The following VGLL4 variants were observed in gnomAD, a reference collection of about 807,000 sequenced individuals.
VGLL4 encodes the protein vestigial like family member 4.
In VGLL4, 7 loss-of-function variants were observed where a neutral mutation model predicts 21.0. The observed-to-expected ratio is 0.33, with a 90% CI of 0.19 to 0.63. The LOEUF is 0.63. Among genes scored for constraint, VGLL4 ranks in the 20% least tolerant of loss-of-function variants. The probability of loss-of-function intolerance (pLI) is 0.78; values close to 1 mark genes in which losing one functional copy is unlikely to be tolerated. For synonymous variants in VGLL4, 222 were observed against 173.2 expected (o/e 1.28, Z -2.21); for missense variants, 394 against 425.7 (o/e 0.93, Z 0.66).
chr3:11,603,522 GTTAT>G (rs937816744), intron 1 of VGLL4, among the ~76,000 whole-genome samples: 1 of 152,082 alleles, frequency 6.6e-6, no homozygotes, highest in African/African-American at 2.4e-5. Context: ...AATTATCTCC[GTTAT>G]TTGTGATACT....
At chr3:11,654,097 C>T (rs567178174) in intron 2 of VGLL4, among the ~76,000 whole-genome samples, 3 of 152,238 alleles carry the variant, frequency 2.0e-5, no homozygotes, top group Admixed American at 6.5e-5. Context: ...ACCACCACCA[C>T]CACAACAAAG....
intron 1 of VGLL4, among the ~76,000 whole-genome samples, chr3:11,609,747 A>G (rs2075020309): frequency 6.6e-6 from 1 of 152,196 alleles, no homozygotes; most frequent in South Asian, 2.1e-4. Context: ...TGTGGGCTGC[A>G]TGGGAGGCGA....
intron 2 of VGLL4, among the ~76,000 whole-genome samples, chr3:11,581,738 T>TC (rs1293308565): frequency 2.1e-4 from 32 of 152,346 alleles, no homozygotes; most frequent in African/African-American, 7.2e-4. Context: ...CCCTCCAGAC[T>TC]CCAACTGCAG....
At chr3:11,712,331 A>G (rs1449624639) in intron 1 of VGLL4, among the ~76,000 whole-genome samples, 2 of 152,192 alleles carry the variant, frequency 1.3e-5, no homozygotes, top group African/African-American at 4.8e-5. Flanking sequence ...AGTAAAAAAC[A>G]TTGCCTAACT....
At chr3:11,589,858 C>G (rs187629839) in intron 2 of VGLL4, among the ~76,000 whole-genome samples, 1 of 152,336 alleles carries the variant, frequency 6.6e-6, no homozygotes, top group East Asian at 1.9e-4. Context: ...AGAGCCTGCC[C>G]TCATGACCTC....
chr3:11,689,571 G>T (rs1471136958), intron 2 of VGLL4, among the ~76,000 whole-genome samples: 2 of 152,088 alleles, frequency 1.3e-5, no homozygotes, highest in Non-Finnish European at 2.9e-5. Context: ...ACATGTTTTT[G>T]GCTTCTGCTA....
At chr3:11,579,021 T>G (rs1291661389) in intron 2 of VGLL4, among the ~76,000 whole-genome samples, 1 of 152,154 alleles carries the variant, frequency 6.6e-6, no homozygotes, top group East Asian at 1.9e-4. Context: ...GTGCTGGGAT[T>G]ACAGGCGTGA....
chr3:11,607,673 T>A (rs1403006469), intron 1 of VGLL4, among the ~76,000 whole-genome samples: 1 of 152,232 alleles, frequency 6.6e-6, no homozygotes, highest in Non-Finnish European at 1.5e-5. Context: ...TATCATTAGA[T>A]TCTTTTTTCT....
At position 11,560,144 on chromosome 3, in the gene VGLL4, C is replaced by T. The variant is rs370143761; in HGVS notation, c.496-689G>A. Among the ~76,000 whole-genome samples the T allele has an allele frequency of 1.4e-4, 22 of 152,220 alleles. No individual in the cohort carries two copies. In the South Asian group the frequency reaches 4.4e-3, roughly 30 times the overall value. On this transcript the variant is annotated intron_variant, in intron 3 of 4. Coordinates refer to ENST00000430365, the MANE Select transcript of VGLL4 (RefSeq NM_001128219.3). ...TCTCTCTGAAGCCTTTCACTGGCCA[C>T]CGCCCCACCACCACCGCTTTTCACT...
chr3:11,689,476 T>C (rs1042119488), intron 2 of VGLL4, among the ~76,000 whole-genome samples: 1 of 152,232 alleles, frequency 6.6e-6, no homozygotes, highest in African/African-American at 2.4e-5. Flanking sequence ...GTCCATGAAC[T>C]TTCTTGTTCT....
chr3:11,604,515 G>T, intron 1 of VGLL4: 1 of 949,768 alleles, frequency 1.1e-6, no homozygotes, highest in Non-Finnish European at 1.2e-6. Flanking sequence ...TCCCTAGATG[G>T]CCTTAACCCA....
chr3:11,702,443 C>T (rs2076694005), intron 2 of VGLL4, among the ~76,000 whole-genome samples: 3 of 124,824 alleles, frequency 2.4e-5, no homozygotes, highest in Non-Finnish European at 3.3e-5. Flanking sequence ...AACCCCGCCT[C>T]TACTAAAAAT....
chr3:11,604,280 T>C lies in VGLL4; in HGVS notation c.83-2258A>G, dbSNP rs1355184316. The C allele has an allele frequency of 1.3e-4, 91 of 676,500 alleles. 8 individuals carry two copies. The highest frequency in any genetic ancestry group is 1.4e-4 in the Non-Finnish European group (85 of 589,146). 41.9% of individuals were successfully genotyped at this position (676,500 alleles called of 1,614,324 possible). A position where few individuals can be genotyped will look rare whatever the true frequency, so the allele number is the denominator to read the frequency against. Reference sequence around the variant, plus strand: ...GCCCAGGAAGCACGGTTTGCCTCATTTGATGGATGACGAAGCTGTGCCCCA... The same window carrying C: ...GCCCAGGAAGCACGGTTTGCCTCATCTGATGGATGACGAAGCTGTGCCCCA... On this transcript the variant is annotated intron_variant, in intron 1 of 4. Transcript: ENST00000430365.
In VGLL4 at chr3:11,601,843, T is replaced by C; in HGVS notation, c.262A>G (p.Asn88Asp). ...AACAGAGGAACTCACAGATGGGGGT[T>C]GAAGATGCGACTCATTTTGGAGACG... Reference protein sequence around the residue: ...DHVSKMSRIFNPHLNKTANGD... With the variant: ...DHVSKMSRIFDPHLNKTANGD... Residue 88 changes from asparagine to aspartate, a missense_variant, in exon 2 of 5, where the codon AAC becomes GAC. Coordinates refer to ENST00000430365, the MANE Select transcript of VGLL4 (RefSeq NM_001128219.3). The C allele has an allele frequency of 6.2e-7, 1 of 1,613,796 alleles. No individual in the cohort carries two copies. Among genetic ancestry groups the C allele is most frequent in the Non-Finnish European group, 8.5e-7 (1 of 1,179,844 alleles).
At chr3:11,657,850 A>T (rs2075979185) in intron 2 of VGLL4, among the ~76,000 whole-genome samples, 1 of 152,208 alleles carries the variant, frequency 6.6e-6, no homozygotes, top group African/African-American at 2.4e-5. Flanking sequence ...AGATGCAGTG[A>T]TGCCAATTTA....
At position 11,585,608 on chromosome 3, in the gene VGLL4, A is replaced by G. The variant is rs2074344366; in HGVS notation, c.272+16225T>C. Reference sequence around the variant, plus strand: ...GGGGAATGTTCCACCTCTGCCATGAATAAGATACTGGATTTTTTAAAAAAG... The same window carrying G: ...GGGGAATGTTCCACCTCTGCCATGAGTAAGATACTGGATTTTTTAAAAAAG... On this transcript the variant is annotated intron_variant, in intron 2 of 4. Transcript: ENST00000430365. Among the ~76,000 whole-genome samples, 4 of 152,234 alleles carry G rather than the reference A, an allele frequency of 2.6e-5. No individual in the cohort carries two copies. The South Asian group carries it at 8.3e-4, about 31-fold the overall frequency.
In VGLL4 at chr3:11,707,542, A is replaced by AT. The variant is rs1405517480; in HGVS notation, c.-13-4496dup. Among the ~76,000 whole-genome samples the AT allele has an allele frequency of 2.2e-3, 331 of 150,432 alleles. 2 individuals carry two copies. Among genetic ancestry groups the AT allele is most frequent in the African/African-American group, 7.7e-3 (311 of 40,532 alleles). On this transcript the variant is annotated intron_variant, in intron 1 of 5. Coordinates refer to the VGLL4 transcript ENST00000273038. ...AAAGCAAAGGTGGAAGATAACAGTTATTAAAAAAAAAAAAAATGGTCTTCC... is the reference window on the plus strand; with the variant it reads ...AAAGCAAAGGTGGAAGATAACAGTTATTTAAAAAAAAAAAAAATGGTCTTCC...
At chr3:11,604,559 G>T (rs2074889160) in intron 1 of VGLL4, 2 of 932,022 alleles carry the variant, frequency 2.1e-6, no homozygotes, top group African/African-American at 1.8e-5. Flanking sequence ...GGTAACTGTT[G>T]TATGTGTGGT....
chr3:11,560,749 G>A (rs571071732), intron 3 of VGLL4, among the ~76,000 whole-genome samples: 9 of 152,282 alleles, frequency 5.9e-5, no homozygotes, highest in Admixed American at 2.0e-4. Flanking sequence ...TTAGTGGCCC[G>A]ACACTTAGCA....
Sources: allele counts gnomAD v4.1 joint callset (sites outside exome capture counted in the v4.1 genomes callset), GRCh38; gene constraint gnomAD v4.1.1; transcripts MANE v1.5; gene names NCBI Gene and HGNC (gene_info 2026-07-23, HGNC 2026-07-21).